TCF12: variants seen among roughly 807,000 people sequenced by gnomAD.
TCF12 encodes the protein DNA-binding protein HTF4.
TCF12 carries 45 observed loss-of-function variants against 86.0 expected under a neutral mutation model. The ratio of observed to expected loss-of-function variants is 0.52; its 90% CI spans 0.41 to 0.67. The LOEUF (loss-of-function observed/expected upper bound fraction) is 0.67. Among genes scored for constraint, TCF12 ranks in the 30% least tolerant of loss-of-function variants. TCF12 has a pLI of 0.00. For missense variants in TCF12, 881 were observed against 859.9 expected, an observed-to-expected ratio of 1.02 and a Z score of -0.31; for synonymous variants, 330 against 299.6, an observed-to-expected ratio of 1.10 and a Z score of -1.05.
intron 6 of TCF12, among the ~76,000 whole-genome samples, chr15:57,186,283 G>C (rs1214019421): frequency 1.3e-5 from 2 of 152,168 alleles, no homozygotes; most frequent in Non-Finnish European, 2.9e-5. Flanking sequence ...AGGATCACTT[G>C]AGCCCTGGCG....
intron 3 of TCF12, among the ~76,000 whole-genome samples, chr15:56,955,358 T>A (rs2061461819): frequency 6.6e-6 from 1 of 151,178 alleles, no homozygotes; most frequent in Admixed American, 6.6e-5. Context: ...CGGTGAGAAC[T>A]CTAGGACACA....
chr15:57,137,697 G>T (rs1228619160), intron 5 of TCF12, among the ~76,000 whole-genome samples: 2 of 152,124 alleles, frequency 1.3e-5, no homozygotes, highest in African/African-American at 4.8e-5. Context: ...TATTGGCAGA[G>T]ATTATAATTC....
chr15:57,056,197 A>G (rs1018957874), intron 3 of TCF12, among the ~76,000 whole-genome samples: 1 of 149,610 alleles, frequency 6.7e-6, no homozygotes, highest in South Asian at 2.1e-4. Context: ...CTGGAGTGCA[A>G]TGGTACAATC....
Position 57,192,264 on chromosome 15 carries a change from G to C in TCF12, c.497G>C (p.Arg166Thr). Residue 166 changes from arginine (R) to threonine (T), a missense_variant, in exon 7 of 21, where the codon AGG (arginine) becomes ACG (threonine). This residue lies in a region of TCF12 where 766 missense variants were observed against 718.9 expected (regional missense o/e 1.07). Transcript: ENST00000333725. ...TCATTCTCTGCTACAAGTTCCAGGA[G>C]GAGACCACTCCATGACTCTGCAGCG... is the stretch of plus-strand genomic sequence containing the variant. ...YYSFSATSSR[R>T]RPLHDSAALD... 6.2e-7 allele frequency: 1 copy of C among 1,614,112 alleles called. No homozygotes were observed. Among genetic ancestry groups the C allele is most frequent in the South Asian group, 1.1e-5 (1 of 91,082 alleles).
chr15:57,138,610 C>T (rs145810694), intron 5 of TCF12, among the ~76,000 whole-genome samples: 2 of 152,300 alleles, frequency 1.3e-5, no homozygotes, highest in East Asian at 3.9e-4. Context: ...ACCATTCTAA[C>T]AGCCAGTTGT....
intron 5 of TCF12, among the ~76,000 whole-genome samples, chr15:57,135,198 T>C (rs2052431183): frequency 6.6e-6 from 1 of 152,200 alleles, no homozygotes; most frequent in Admixed American, 6.5e-5. Flanking sequence ...GTTTGTAGTA[T>C]GGGATGCAAC....
intron 5 of TCF12, among the ~76,000 whole-genome samples, chr15:57,164,574 C>T (rs770349218): frequency 6.6e-6 from 1 of 152,172 alleles, no homozygotes; most frequent in Non-Finnish European, 1.5e-5. Context: ...CACCAGGTCC[C>T]TCCCACGACA....
At position 57,273,196 on chromosome 15, in the gene TCF12, C is replaced by T; in HGVS notation, c.1912C>T (p.Gln638Ter). Residue 638 changes from glutamine to a stop codon, truncating the protein, a stop_gained, in exon 19 of 21, where the codon CAA becomes TAA. Transcript: ENST00000333725. LOFTEE classifies it high-confidence loss of function. Reference protein sequence around the residue: ...CQLHLKSEKPQTKLLILHQAV... With the variant: ...CQLHLKSEKP Reference sequence around the variant, plus strand: ...GCTTCACTTGAAGAGTGAAAAACCCCAAACAAAACTCCTTATTCTTCATCA... The same window carrying T: ...GCTTCACTTGAAGAGTGAAAAACCCTAAACAAAACTCCTTATTCTTCATCA... The T allele has an allele frequency of 6.2e-7, 1 of 1,614,190 alleles. No homozygotes were observed. Among genetic ancestry groups the T allele is most frequent in the Non-Finnish European group, 8.5e-7 (1 of 1,180,028 alleles).
intron 5 of TCF12, among the ~76,000 whole-genome samples, chr15:57,140,538 G>T (rs1233382916): frequency 6.6e-6 from 1 of 152,164 alleles, no homozygotes; most frequent in East Asian, 1.9e-4. Context: ...AGTTTGATAA[G>T]GTTCCTGCAT....
chr15:57,246,813 C>T, intron 13 of TCF12: 1 of 327,262 alleles, frequency 3.1e-6, no homozygotes, highest in South Asian at 2.6e-5. Context: ...AGTAACTTTT[C>T]TGACTATGGA....
chr15:57,124,364 T>G (rs1596656328), intron 5 of TCF12, among the ~76,000 whole-genome samples: 1 of 152,330 alleles, frequency 6.6e-6, no homozygotes, highest in East Asian at 1.9e-4. Flanking sequence ...ATGCTGAGAC[T>G]GGCTAGGGAA....
intron 5 of TCF12, among the ~76,000 whole-genome samples, chr15:57,132,595 A>T (rs994976855): frequency 5.9e-5 from 9 of 152,236 alleles, no homozygotes; most frequent in Non-Finnish European, 1.3e-4. Flanking sequence ...CCTCTGAATT[A>T]TCAAAGAAAT....
chr15:57,192,977 G>C (rs2057062805), intron 7 of TCF12, among the ~76,000 whole-genome samples: 1 of 152,116 alleles, frequency 6.6e-6, no homozygotes, highest in Admixed American at 6.5e-5. Context: ...GACTTAACTA[G>C]TTTTCCTTCT....
chr15:56,960,215 A>C (rs1628974), intron 3 of TCF12, among the ~76,000 whole-genome samples: 27,251 of 152,080 alleles, frequency 0.18, 2,974 homozygotes, highest in Non-Finnish European at 0.24. Context: ...ATGGTGAGAT[A>C]AATTTCTTTT....
chr15:56,969,535 A>ATTTTTT (rs67565542), intron 3 of TCF12, among the ~76,000 whole-genome samples: 2 of 130,018 alleles, frequency 1.5e-5, no homozygotes, highest in East Asian at 2.2e-4. Flanking sequence ...CCAGTTGGAG[A>ATTTTTT]TTTTTTTTTT....
intron 7 of TCF12, among the ~76,000 whole-genome samples, chr15:57,192,933 G>T (rs988918059): frequency 6.6e-6 from 1 of 152,078 alleles, no homozygotes; most frequent in Non-Finnish European, 1.5e-5. Flanking sequence ...CTCTTGCTTG[G>T]TCCTCACATG....
chr15:57,072,650 C>G, intron 4 of TCF12: 1 of 1,300,114 alleles, frequency 7.7e-7, no homozygotes, highest in Non-Finnish European at 1.0e-6. Flanking sequence ...CTCTTGATCT[C>G]AGGTACAATA....
intron 3 of TCF12, among the ~76,000 whole-genome samples, chr15:57,054,532 T>C (rs1248202124): frequency 1.3e-5 from 2 of 152,192 alleles, no homozygotes; most frequent in Non-Finnish European, 2.9e-5. Context: ...ACATGAACTT[T>C]ATGAGCTCAC....
chr15:57,223,101 T>C (rs559791441), intron 8 of TCF12, among the ~76,000 whole-genome samples: 1 of 151,996 alleles, frequency 6.6e-6, no homozygotes, highest in Admixed American at 6.6e-5. Context: ...CTGGGAACTT[T>C]GTTTATCTGA....
Sources: allele counts gnomAD v4.1 joint callset (sites outside exome capture counted in the v4.1 genomes callset), GRCh38; gene constraint gnomAD v4.1.1; regional missense constraint gnomAD v4.1.1; transcripts MANE v1.5; gene names NCBI Gene and HGNC (gene_info 2026-07-23, HGNC 2026-07-21).